Variants in PPP1R9A observed in about 807,000 individuals in gnomAD.
PPP1R9A encodes the protein neurabin-1.
Under a neutral mutation model 141.9 loss-of-function variants are expected in PPP1R9A, and 59 were observed. That is an observed-to-expected ratio of 0.42 (90% CI 0.34 to 0.52). The LOEUF is 0.52. Among genes scored for constraint, PPP1R9A ranks in the 20% least tolerant of loss-of-function variants. The probability of loss-of-function intolerance (pLI) is 0.10; values close to 1 mark genes in which losing one functional copy is unlikely to be tolerated. For synonymous variants in PPP1R9A, 500 were observed against 569.7 expected, an observed-to-expected ratio of 0.88 and a Z score of 1.74; for missense variants, 1,444 against 1,611.9, an observed-to-expected ratio of 0.90 and a Z score of 1.78.
chr7:95,073,714 C>T (rs1814368357), intron 2 of PPP1R9A, among the ~76,000 whole-genome samples: 2 of 135,484 alleles, frequency 1.5e-5, no homozygotes, highest in East Asian at 2.2e-4. Context: ...ATTTTAGATG[C>T]ATATATAAAT....
intron 5 of PPP1R9A, among the ~76,000 whole-genome samples, chr7:95,181,745 CCGT>C (rs1833878701): frequency 2.4e-5 from 3 of 125,774 alleles, no homozygotes; most frequent in African/African-American, 9.2e-5. Context: ...TATATATATT[CCGT>C]CACATATATA....
chr7:95,259,819 A>G (rs1237864554), intron 12 of PPP1R9A, among the ~76,000 whole-genome samples: 2 of 152,208 alleles, frequency 1.3e-5, no homozygotes, highest in Non-Finnish European at 2.9e-5. Context: ...ATACAGAGCA[A>G]TGAGGTAATT....
chr7:95,090,001 G>A (rs1365050713), intron 2 of PPP1R9A, among the ~76,000 whole-genome samples: 1 of 151,902 alleles, frequency 6.6e-6, no homozygotes, highest in Non-Finnish European at 1.5e-5. Flanking sequence ...TCTGAAAGAA[G>A]ATAAAGTACA....
chr7:95,049,152 A>G (rs1810439997), intron 2 of PPP1R9A, among the ~76,000 whole-genome samples: 1 of 152,218 alleles, frequency 6.6e-6, no homozygotes, highest in Non-Finnish European at 1.5e-5. Context: ...CATGCCGGAA[A>G]GAGATATGCA....
chr7:95,189,594 G>A (rs879310656), intron 5 of PPP1R9A, among the ~76,000 whole-genome samples: 23 of 150,882 alleles, frequency 1.5e-4, no homozygotes, highest in Admixed American at 7.9e-4. Flanking sequence ...CCGCCACTAC[G>A]CCCGGCTAAT....
At chr7:95,023,005 G>A (rs1806221015) in intron 2 of PPP1R9A, among the ~76,000 whole-genome samples, 1 of 152,130 alleles carries the variant, frequency 6.6e-6, no homozygotes. Context: ...AATGAGTTTA[G>A]GAGAATTCCC....
At chr7:95,023,295 G>T (rs1279476558) in intron 2 of PPP1R9A, among the ~76,000 whole-genome samples, 2 of 152,104 alleles carry the variant, frequency 1.3e-5, no homozygotes, top group African/African-American at 4.8e-5. Flanking sequence ...TCTGATGGTA[G>T]TTTGTATTTC....
At chr7:95,192,436 A>G (rs929700240) in intron 5 of PPP1R9A, among the ~76,000 whole-genome samples, 2 of 152,048 alleles carry the variant, frequency 1.3e-5, no homozygotes, top group African/African-American at 2.4e-5. Flanking sequence ...TTCTTTGCTT[A>G]CTAGTGAAAA....
intron 2 of PPP1R9A, among the ~76,000 whole-genome samples, chr7:95,023,109 G>A (rs1465138334): frequency 6.6e-6 from 1 of 152,018 alleles, no homozygotes; most frequent in Admixed American, 6.6e-5. Flanking sequence ...GTCTGGTCCT[G>A]GACTTTTTTT....
intron 16 of PPP1R9A, among the ~76,000 whole-genome samples, chr7:95,280,436 T>A (rs1269827592): frequency 6.6e-6 from 1 of 152,204 alleles, no homozygotes; most frequent in African/African-American, 2.4e-5. Context: ...CCTTGGAATG[T>A]TTAGCTGGCA....
chr7:95,094,838 C>T (rs186962062), intron 2 of PPP1R9A, among the ~76,000 whole-genome samples: 9 of 141,482 alleles, frequency 6.4e-5, no homozygotes, highest in Admixed American at 4.5e-4. Flanking sequence ...TGAGATCACA[C>T]CACTGCACTC....
chr7:95,153,142 G>A (rs559172812), intron 4 of PPP1R9A, among the ~76,000 whole-genome samples: 11 of 152,134 alleles, frequency 7.2e-5, no homozygotes, highest in East Asian at 3.9e-4. Flanking sequence ...GAGCCACTGC[G>A]CGCCCAGCCT....
At chr7:95,188,348 C>A (rs1426787118) in intron 5 of PPP1R9A, among the ~76,000 whole-genome samples, 1 of 151,974 alleles carries the variant, frequency 6.6e-6, no homozygotes, top group Non-Finnish European at 1.5e-5. Context: ...CTTTTTCCAC[C>A]CCTTTACCTT....
At chr7:95,027,716 T>A in intron 2 of PPP1R9A, among the ~76,000 whole-genome samples, 1 of 152,206 alleles carries the variant, frequency 6.6e-6, no homozygotes, top group Non-Finnish European at 1.5e-5. Context: ...CTATTGCTCT[T>A]AGCAACAAAC....
chr7:94,910,490 G>C lies in PPP1R9A; in HGVS notation c.377G>C (p.Arg126Thr). Residue 126 changes from arginine (R) to threonine (T), a missense_variant, in exon 2 of 20, where the codon AGA becomes ACA. By Grantham distance (71) the Arg-to-Thr change is moderately conservative. This residue lies in a region of PPP1R9A where 490 missense variants were observed against 521.1 expected (regional missense o/e 0.94). Coordinates refer to ENST00000433360, the MANE Select transcript of PPP1R9A (RefSeq NM_001166160.2). This position sits in a 1 kb window ranked among gnomAD's most constrained non-coding sequence, Gnocchi z 4.5. ...TCTTCTGTTTCTGAACGAATTAGTA[G>C]ATTTGACACTATGTACGATGGCCCT... ...LESSVSERISRFDTMYDGPSY... is the reference protein window; with the variant it reads ...LESSVSERISTFDTMYDGPSY... 6.2e-7 allele frequency: 1 copy of C among 1,614,156 alleles called. No individual in the cohort carries two copies. The highest frequency in any genetic ancestry group is 8.5e-7 in the Non-Finnish European group (1 of 1,180,034).
chr7:95,241,794 TTA>T (rs1439284239), intron 8 of PPP1R9A, among the ~76,000 whole-genome samples: 1 of 152,160 alleles, frequency 6.6e-6, no homozygotes, highest in Admixed American at 6.6e-5. Context: ...TAACATTAAG[TTA>T]TCTTTATGGA....
intron 2 of PPP1R9A, among the ~76,000 whole-genome samples, chr7:95,018,949 A>G (rs1163302969): frequency 1.3e-5 from 2 of 152,208 alleles, no homozygotes; most frequent in Non-Finnish European, 2.9e-5. Context: ...TACCAAGGTA[A>G]TTAAAAGGGA....
chr7:95,080,296 C>G (rs10253792), intron 2 of PPP1R9A, among the ~76,000 whole-genome samples: 10,120 of 151,850 alleles, frequency 0.067, 421 homozygotes, highest in African/African-American at 0.12. Flanking sequence ...ACACCAATAA[C>G]AGACAAACAG....
chr7:95,010,239 A>G (rs1322402127), intron 2 of PPP1R9A, among the ~76,000 whole-genome samples: 3 of 152,024 alleles, frequency 2.0e-5, no homozygotes, highest in Non-Finnish European at 4.4e-5. Context: ...AAATAATGAT[A>G]ATAATAATAA....
Sources: gnomAD v4.1 joint callset for allele counts (sites outside exome capture counted in the v4.1 genomes callset) on GRCh38, gnomAD v4.1.1 for gene constraint, gnomAD v4.1.1 regional missense constraint, Gnocchi (gnomAD v3.1) non-coding constraint, MANE v1.5 for transcripts, NCBI Gene and HGNC (gene_info 2026-07-23, HGNC 2026-07-21) for gene names.